The following EDNRA variants were observed in gnomAD, a reference collection of about 807,000 sequenced individuals.
EDNRA encodes endothelin receptor type A, also known as endothelin-1 receptor.
In EDNRA, 11 loss-of-function variants were observed where a neutral mutation model predicts 41.4. The observed-to-expected ratio is 0.27, with a 90% confidence interval of 0.17 to 0.44. The LOEUF (loss-of-function observed/expected upper bound fraction) is 0.44, where lower values mean the gene tolerates loss of function less well. Among genes scored for constraint, EDNRA ranks in the 20% least tolerant of loss-of-function variants. The pLI is 1.00. For synonymous variants in EDNRA, 172 were observed against 183.0 expected (o/e 0.94, Z 0.49); for missense variants, 294 against 531.0 (o/e 0.55, Z 4.39).
At chr4:147,523,074 G>C (rs1344886038) in intron 3 of EDNRA, among the ~76,000 whole-genome samples, 2 of 152,174 alleles carry the variant, frequency 1.3e-5, no homozygotes, top group East Asian at 3.9e-4. Context: ...CTAAAGATTT[G>C]AAGTCAGCAA....
chr4:147,519,718 T>C lies in EDNRA; in HGVS notation c.421-133T>C. The C allele has an allele frequency of 9.6e-7, 1 of 1,043,544 alleles. No homozygotes were observed. The highest frequency in any genetic ancestry group is 1.3e-6 in the Non-Finnish European group (1 of 759,602). 64.6% of individuals were successfully genotyped at this position (1,043,544 alleles called of 1,614,324 possible). ...AAGAAAAAAATAACAATTCTAATAC[T>C]CTTTTGCTACAGTGCTAACTGAAAA... On this transcript the variant is annotated intron_variant, in intron 2 of 7. Coordinates refer to ENST00000651419, the MANE Select transcript of EDNRA (RefSeq NM_001957.4). The surrounding 1 kb of genome is among the most constrained non-coding windows in gnomAD (Gnocchi z 4.1).
intron 2 of EDNRA, chr4:147,493,151 G>A (rs1729195225): frequency 6.6e-6 from 1 of 152,088 alleles, no homozygotes; most frequent in Non-Finnish European, 1.5e-5. Context: ...CCATCAAAGA[G>A]TTCATTTAGC....
chr4:147,505,202 T>TA (rs565487803), intron 2 of EDNRA, among the ~76,000 whole-genome samples: 1,333 of 90,318 alleles, frequency 0.015, 17 homozygotes, highest in East Asian at 0.04. Flanking sequence ...GGCTAAAATG[T>TA]AAAAAAAAAA....
chr4:147,528,416 G>A (rs1380110755), intron 3 of EDNRA, among the ~76,000 whole-genome samples: 2 of 143,252 alleles, frequency 1.4e-5, no homozygotes, highest in Non-Finnish European at 3.0e-5. Flanking sequence ...GGAGTGCAGT[G>A]CCATGATCAG....
Position 147,527,339 on chromosome 4 carries a change from GA to G in EDNRA, c.549-5159del, listed in dbSNP as rs904861669. ...AAACACTAGAAATGATGTGAACATA[GA>G]AAAAAAATTCAAGTAAATTATATCA... On this transcript the variant is annotated intron_variant, in intron 3 of 7. Transcript: ENST00000651419. Among the ~76,000 whole-genome samples, 25 of 152,002 alleles carry G rather than the reference GA, an allele frequency of 1.6e-4. 1 individual carries two copies. The highest frequency in any genetic ancestry group is 2.5e-4 in the Non-Finnish European group (17 of 67,958).
Position 147,540,430 on chromosome 4 carries a change from G to C in EDNRA, c.1088G>C (p.Cys363Ser), listed in dbSNP as rs780175310. Residue 363 changes from cysteine (C) to serine (S), a missense_variant, in exon 7 of 8, where the codon TGT (cysteine) becomes TCT (serine). Transcript: ENST00000651419. ...ATTAACTTGGCAACCATGAATTCAT[G>C]TATAAACCCCATAGCTCTGTATTTT... ...IGINLATMNS[C>S]INPIALYFVS... is the part of the protein sequence containing the mutation. 6.2e-7 allele frequency: 1 copy of C among 1,613,698 alleles called. No individual in the cohort carries two copies. Among genetic ancestry groups the C allele is most frequent in the Admixed American group, 1.7e-5 (1 of 59,976 alleles).
chr4:147,531,171 C>T (rs1019644431), intron 3 of EDNRA, among the ~76,000 whole-genome samples: 1 of 152,124 alleles, frequency 6.6e-6, no homozygotes, highest in Non-Finnish European at 1.5e-5. Context: ...TATTATCAGA[C>T]AGTTTTTTGA....
chr4:147,542,164 C>G (rs1176082748), intron 7 of EDNRA, among the ~76,000 whole-genome samples: 3 of 152,180 alleles, frequency 2.0e-5, no homozygotes, highest in Admixed American at 6.5e-5. Flanking sequence ...TAGGACCCCC[C>G]CACCAGCCCA....
rs1731156519 is a variant in EDNRA, at chr4:147,542,829, A to G, written c.*211A>G. 1 of 552,934 alleles carries G rather than the reference A, an allele frequency of 1.8e-6. No individual in the cohort carries two copies. The highest frequency in any genetic ancestry group is 3.0e-6 in the Non-Finnish European group (1 of 328,688). 34.3% of individuals were successfully genotyped at this position (552,934 alleles called of 1,614,324 possible). On this transcript the variant is annotated 3_prime_UTR_variant, in exon 8 of 8. Transcript: ENST00000651419. ...TACTTCTTTAATTGATCTAATTTACATATTCTGCGTGTTGTATTCAGCACT... is the reference window on the plus strand; with the variant it reads ...TACTTCTTTAATTGATCTAATTTACGTATTCTGCGTGTTGTATTCAGCACT...
At chr4:147,540,135 T>C (rs1344931406) in intron 6 of EDNRA, among the ~76,000 whole-genome samples, 185 bp downstream of exon 6, 1 of 152,222 alleles carries the variant, frequency 6.6e-6, no homozygotes, top group Admixed American at 6.5e-5. Context: ...ACATCTGTTA[T>C]CTTGCCCCTC....
At chr4:147,508,697 C>T (rs1315914791) in intron 2 of EDNRA, among the ~76,000 whole-genome samples, 1 of 152,132 alleles carries the variant, frequency 6.6e-6, no homozygotes, top group African/African-American at 2.4e-5. Context: ...TTTTCAACAC[C>T]ATTCTTTGAA....
At chr4:147,482,102 C>G (rs1348201266) in intron 1 of EDNRA, among the ~76,000 whole-genome samples, 1 of 152,190 alleles carries the variant, frequency 6.6e-6, no homozygotes, top group Admixed American at 6.5e-5. Context: ...CATTTCTTAA[C>G]CAGAGAGCAA....
chr4:147,514,483 G>GT (rs902703280), intron 2 of EDNRA, among the ~76,000 whole-genome samples: 65 of 132,478 alleles, frequency 4.9e-4, no homozygotes, highest in Non-Finnish European at 9.4e-4. Flanking sequence ...TTTCTTTTTT[G>GT]TTTTTTTGAG....
chr4:147,511,288 A>C (rs1568136), intron 2 of EDNRA, among the ~76,000 whole-genome samples: 1 of 152,040 alleles, frequency 6.6e-6, no homozygotes, highest in Non-Finnish European at 1.5e-5. Flanking sequence ...TATTTTGCTT[A>C]ATGCCTCAAT....
At chr4:147,509,890 C>A (rs1003645834) in intron 2 of EDNRA, among the ~76,000 whole-genome samples, 1 of 151,940 alleles carries the variant, frequency 6.6e-6, no homozygotes, top group Non-Finnish European at 1.5e-5. Flanking sequence ...AAATAAAGTG[C>A]ACAATAAATG....
chr4:147,499,393 G>A (rs991856922), intron 2 of EDNRA, among the ~76,000 whole-genome samples: 17 of 152,278 alleles, frequency 1.1e-4, no homozygotes, highest in South Asian at 4.1e-4. Context: ...AATAAATAAT[G>A]AAGGGACCAT....
intron 2 of EDNRA, among the ~76,000 whole-genome samples, chr4:147,511,980 A>G (rs1729944346): frequency 1.3e-5 from 2 of 152,164 alleles, no homozygotes; most frequent in African/African-American, 4.8e-5. Context: ...TTCCATGAAA[A>G]CCAGGGTCTT....
chr4:147,502,079 T>C lies in EDNRA; in HGVS notation c.420+15978T>C, dbSNP rs935608622. Reference sequence around the variant, plus strand: ...AAAATGTCAGGGAGGAAGTCTTTTTTTGTTCCTATATGCTAAGATTGCCTA... The same window carrying C: ...AAAATGTCAGGGAGGAAGTCTTTTTCTGTTCCTATATGCTAAGATTGCCTA... On this transcript the variant is annotated intron_variant, in intron 2 of 7. Transcript: ENST00000651419. 5.3e-5 allele frequency among the ~76,000 whole-genome samples: 8 copies of C among 152,168 alleles called. No homozygotes were observed. In the South Asian group the frequency reaches 6.2e-4, roughly 12 times the overall value.
intron 3 of EDNRA, among the ~76,000 whole-genome samples, chr4:147,525,725 T>C (rs1730517218): frequency 6.6e-6 from 1 of 152,086 alleles, no homozygotes; most frequent in African/African-American, 2.4e-5. Context: ...AGATCCAACT[T>C]GTTAAAAGTT....
Sources: allele counts gnomAD v4.1 joint callset (sites outside exome capture counted in the v4.1 genomes callset), GRCh38; gene constraint gnomAD v4.1.1; non-coding constraint Gnocchi (gnomAD v3.1); transcripts MANE v1.5; gene names NCBI Gene and HGNC (gene_info 2026-07-23, HGNC 2026-07-21).